KIRREL3: variants seen among roughly 807,000 people sequenced by gnomAD.
KIRREL3 encodes kirre like nephrin family adhesion molecule 3.
Under a neutral mutation model 89.7 loss-of-function variants are expected in KIRREL3, and 36 were observed. The observed-to-expected ratio is 0.40, with a 90% CI of 0.31 to 0.53. The LOEUF is 0.53. KIRREL3 is among the 20% of genes least tolerant of loss of function. KIRREL3 has a pLI of 0.49. For synonymous variants in KIRREL3, 445 were observed against 441.4 expected (o/e 1.01, Z -0.10); for missense variants, 864 against 1,056.6 (o/e 0.82, Z 2.53).
At chr11:126,466,745 C>T (rs970213611) in intron 5 of KIRREL3, among the ~76,000 whole-genome samples, 1 of 152,324 alleles carries the variant, frequency 6.6e-6, no homozygotes, top group African/African-American at 2.4e-5. Flanking sequence ...AGCTCCACTC[C>T]GCCCCTCCCT....
rs2134436394 is a variant in KIRREL3, at chr11:126,523,567, C to T, written c.284-2103G>A. ...TGGCCAGAAAAGCTCACAAGGCCAT[C>T]AGCTGCACCCCTGAGAGCACTGCCT... On this transcript the variant is annotated intron_variant, in intron 3 of 16. Coordinates refer to ENST00000525144, the MANE Select transcript of KIRREL3 (RefSeq NM_032531.4). The surrounding 1 kb of genome is among the most constrained non-coding windows in gnomAD (Gnocchi z 4.9). Among the ~76,000 whole-genome samples the T allele has an allele frequency of 6.6e-6, 1 of 150,916 alleles. No individual in the cohort carries two copies. The highest frequency in any genetic ancestry group is 1.5e-5 in the Non-Finnish European group (1 of 67,852).
At position 126,440,516 on chromosome 11, in the gene KIRREL3, T is replaced by C; in HGVS notation, c.1286A>G (p.His429Arg). Residue 429 changes from histidine (H) to arginine (R), a missense_variant, in exon 11 of 17, where the codon CAC (histidine) becomes CGC (arginine). Physicochemically the swap from His to Arg is conservative, Grantham distance 29. Coordinates refer to ENST00000525144, the MANE Select transcript of KIRREL3 (RefSeq NM_032531.4). ...PPIISSTQTQ[H>R]ALHGEKGQIK... ...CTGGCCCTTCTCGCCGTGGAGGGCG[T>C]GCTGGGTCTGGGTGCTGGAGATGAT... The C allele has an allele frequency of 6.2e-7, 1 of 1,602,212 alleles. No homozygotes were observed. Among genetic ancestry groups the C allele is most frequent in the Non-Finnish European group, 8.5e-7 (1 of 1,174,918 alleles).
intron 1 of KIRREL3, among the ~76,000 whole-genome samples, chr11:126,858,435 C>T (rs1195880906): frequency 6.6e-6 from 1 of 152,112 alleles, no homozygotes. Flanking sequence ...ATATGCTTGC[C>T]ATTGGGTGCT....
rs144778995 is a variant in KIRREL3, at chr11:126,553,563, C to T, written c.133+9272G>A. ...ACTGCTGCGGTGCCTCCATATCTAC[C>T]CATTTCATGAGCCCAGGTGGCCACC... On this transcript the variant is annotated intron_variant, in intron 2 of 16. Transcript: ENST00000525144. The surrounding 1 kb of genome is among the most constrained non-coding windows in gnomAD (Gnocchi z 4.7). 6.6e-6 allele frequency among the ~76,000 whole-genome samples: 1 copy of T among 152,330 alleles called. No individual in the cohort carries two copies. Among genetic ancestry groups the T allele is most frequent in the Non-Finnish European group, 1.5e-5 (1 of 68,034 alleles).
rs1017998772 is a variant in KIRREL3, at chr11:126,993,033, C to T, written c.55+7422G>A. Among the ~76,000 whole-genome samples, 2 of 152,184 alleles carry T rather than the reference C, an allele frequency of 1.3e-5. No individual in the cohort carries two copies. The highest frequency in any genetic ancestry group is 2.9e-5 in the Non-Finnish European group (2 of 68,034). On this transcript the variant is annotated intron_variant, in intron 1 of 16. Coordinates refer to ENST00000525144, the MANE Select transcript of KIRREL3 (RefSeq NM_032531.4). The surrounding 1 kb of genome is among the most constrained non-coding windows in gnomAD (Gnocchi z 6.1). ...AGTTCCCCCCATACTTATTCTCTTG[C>T]TCACTTCATCCATCAGCTAGAAAGA...
intron 1 of KIRREL3, among the ~76,000 whole-genome samples, chr11:126,923,237 C>G (rs1190146021): frequency 1.9e-5 from 1 of 54,004 alleles, no homozygotes; most frequent in Non-Finnish European, 3.9e-5. Flanking sequence ...TCTTCTTCTT[C>G]TTCTTCTTCT....
chr11:126,509,516 CTTTT>C (rs1958130132), intron 4 of KIRREL3, among the ~76,000 whole-genome samples: 1 of 152,222 alleles, frequency 6.6e-6, no homozygotes. Flanking sequence ...TCTCCATCCT[CTTTT>C]TTCCTTTTTT....
chr11:126,922,096 T>TATCG (rs1235155339), intron 1 of KIRREL3, among the ~76,000 whole-genome samples: 1 of 149,564 alleles, frequency 6.7e-6, no homozygotes, highest in Non-Finnish European at 1.5e-5. Flanking sequence ...TATCTATATC[T>TATCG]ATCTATCGAT....
rs1044897008 is a variant in KIRREL3 at position 126,754,893 on chromosome 11, T to C, written c.56-191981A>G. Among the ~76,000 whole-genome samples, 1 of 152,158 alleles carries C rather than the reference T, an allele frequency of 6.6e-6. No individual in the cohort carries two copies. Among genetic ancestry groups the C allele is most frequent in the African/African-American group, 2.4e-5 (1 of 41,434 alleles). ...ATTGTACTGAGCAGCTGCCTGAAAG[T>C]TGATGCAGTGGGAATAATTTATTTC... On this transcript the variant is annotated intron_variant, in intron 1 of 16. Transcript: ENST00000525144. This position sits in a 1 kb window ranked among gnomAD's most constrained non-coding sequence, Gnocchi z 5.1.
In KIRREL3 at chr11:126,877,554, A is replaced by T. The variant is rs1945337378; in HGVS notation, c.55+122901T>A. Among the ~76,000 whole-genome samples, 1 of 152,250 alleles carries T rather than the reference A, an allele frequency of 6.6e-6. No homozygotes were observed. Among genetic ancestry groups the T allele is most frequent in the Non-Finnish European group, 1.5e-5 (1 of 68,054 alleles). On this transcript the variant is annotated intron_variant, in intron 1 of 16. Coordinates refer to ENST00000525144, the MANE Select transcript of KIRREL3 (RefSeq NM_032531.4). The surrounding 1 kb of genome is among the most constrained non-coding windows in gnomAD (Gnocchi z 4.9). ...AGGTCTACCTCCAAAAATGAAATTC[A>T]TTATATTTAGAGCTAAAATAATTCC...
At position 126,782,475 on chromosome 11, in the gene KIRREL3, C is replaced by T. The variant is rs148274283; in HGVS notation, c.55+217980G>A. On this transcript the variant is annotated intron_variant, in intron 1 of 16. Coordinates refer to ENST00000525144, the MANE Select transcript of KIRREL3 (RefSeq NM_032531.4). This position sits in a 1 kb window ranked among gnomAD's most constrained non-coding sequence, Gnocchi z 4.1. The stretch of plus-strand genomic sequence containing the variant: ...TCTTGAACTCAGCTGGGAGGAAATT[C>T]AGTTTGGAGAGGAGGCAGGGGTGCC... 2.2e-3 allele frequency among the ~76,000 whole-genome samples: 333 copies of T among 152,270 alleles called. 2 individuals carry two copies. The highest frequency in any genetic ancestry group is 7.6e-3 in the African/African-American group (318 of 41,572).
In KIRREL3 at chr11:126,656,177, T is replaced by A. The variant is rs891396888; in HGVS notation, c.56-93265A>T. 2.4e-5 allele frequency: 11 copies of A among 456,046 alleles called. No individual in the cohort carries two copies. The highest frequency in any genetic ancestry group is 2.2e-4 in the African/African-American group (11 of 50,044). The allele number at this position is 456,046 out of a possible 1,614,324, so 28.2% of individuals were successfully genotyped here. On this transcript the variant is annotated intron_variant, in intron 1 of 16. Transcript: ENST00000525144. The surrounding 1 kb of genome is among the most constrained non-coding windows in gnomAD (Gnocchi z 4.0). ...CCCAGGAGCAATGTTTGCAGGTGAG[T>A]GAGGTCAGGGAGGGCTACAGAGTTA... is the stretch of plus-strand genomic sequence containing the variant.
intron 1 of KIRREL3, among the ~76,000 whole-genome samples, chr11:126,765,963 G>A (rs1475245559): frequency 6.6e-6 from 1 of 152,050 alleles, no homozygotes; most frequent in Non-Finnish European, 1.5e-5. Flanking sequence ...GTAACTTTAT[G>A]TTACAGAATC....
rs949405468 is a variant in KIRREL3, at chr11:126,558,585, T to C, written c.133+4250A>G. 7.9e-5 allele frequency among the ~76,000 whole-genome samples: 12 copies of C among 152,174 alleles called. No individual in the cohort carries two copies. Among genetic ancestry groups the C allele is most frequent in the African/African-American group, 2.7e-4 (11 of 41,454 alleles). ...CATGCTCTTGGGCCATGCTGTGTTATTGGGTTGCACTGTAATCTCTAGAGT... is the reference window on the plus strand; with the variant it reads ...CATGCTCTTGGGCCATGCTGTGTTACTGGGTTGCACTGTAATCTCTAGAGT... On this transcript the variant is annotated intron_variant, in intron 2 of 16. Coordinates refer to ENST00000525144, the MANE Select transcript of KIRREL3 (RefSeq NM_032531.4). The surrounding 1 kb of genome is among the most constrained non-coding windows in gnomAD (Gnocchi z 4.0).
Position 126,555,081 on chromosome 11 carries a change from T to A in KIRREL3, c.133+7754A>T, listed in dbSNP as rs937621643. 2.0e-5 allele frequency among the ~76,000 whole-genome samples: 3 copies of A among 152,164 alleles called. No homozygotes were observed. The highest frequency in any genetic ancestry group is 6.5e-5 in the Admixed American group (1 of 15,282). ...CCGCATACACTACCCTTCAATCTGT[T>A]CATGTGACCTGATTCTTCCTGACAC... On this transcript the variant is annotated intron_variant, in intron 2 of 16. Transcript: ENST00000525144. The surrounding 1 kb of genome is among the most constrained non-coding windows in gnomAD (Gnocchi z 4.2).
At chr11:126,604,053 C>T (rs1942780143) in intron 1 of KIRREL3, among the ~76,000 whole-genome samples, 2 of 152,186 alleles carry the variant, frequency 1.3e-5, no homozygotes. Flanking sequence ...TCCTGCTTTC[C>T]TTTCTTCCTT....
intron 4 of KIRREL3, among the ~76,000 whole-genome samples, chr11:126,481,737 G>A (rs1461509167): frequency 6.6e-6 from 1 of 152,196 alleles, no homozygotes; most frequent in African/African-American, 2.4e-5. Flanking sequence ...TTACAATAGT[G>A]CTTCTCCCCT....
intron 1 of KIRREL3, among the ~76,000 whole-genome samples, chr11:126,927,245 C>T (rs1173502503): frequency 3.3e-5 from 5 of 151,938 alleles, no homozygotes; most frequent in Admixed American, 6.5e-5. Flanking sequence ...CACACACACG[C>T]ACGCACGCAC....
intron 1 of KIRREL3, among the ~76,000 whole-genome samples, chr11:126,923,114 C>CT (rs2134992958): frequency 1.5e-5 from 1 of 65,098 alleles, no homozygotes; most frequent in East Asian, 2.2e-4. Context: ...CCTTCTCCTT[C>CT]TCCTTCTCCT....
Sources: gnomAD v4.1 joint callset for allele counts (sites outside exome capture counted in the v4.1 genomes callset) on GRCh38, gnomAD v4.1.1 for gene constraint, Gnocchi (gnomAD v3.1) non-coding constraint, MANE v1.5 for transcripts, NCBI Gene and HGNC (gene_info 2026-07-23, HGNC 2026-07-21) for gene names.